The following SUGCT variants were observed in gnomAD, a reference collection of about 807,000 sequenced individuals.
The protein encoded by SUGCT is succinyl-CoA:glutarate CoA-transferase.
A neutral mutation model predicts 55.0 loss-of-function variants in SUGCT; 41 were observed. The observed-to-expected ratio is 0.74, with a 90% CI of 0.58 to 0.97. The LOEUF is 0.97. Among genes scored for constraint, SUGCT ranks in the 50% least tolerant of loss-of-function variants. SUGCT has a pLI of 0.00. For missense variants in SUGCT, 568 were observed against 547.8 expected (o/e 1.04, Z -0.37); for synonymous variants, 187 against 200.4 (o/e 0.93, Z 0.56).
chr7:40,185,559 CTT>C, intron 3 of SUGCT, among the ~76,000 whole-genome samples: 1 of 152,036 alleles, frequency 6.6e-6, no homozygotes, highest in African/African-American at 2.4e-5. Flanking sequence ...TTTCGCTCTT[CTT>C]GCCCAGGCTG....
At position 40,843,498 on chromosome 7, in the gene SUGCT, G is replaced by A. The variant is rs371963143; in HGVS notation, c.1154-16818G>A. 1.3e-3 allele frequency among the ~76,000 whole-genome samples: 90 copies of A among 69,172 alleles called. 1 individual carries two copies. The highest frequency in any genetic ancestry group is 3.8e-3 in the African/African-American group (88 of 23,246). The allele number at this position is 69,172 out of a possible 152,430, so 45.4% of individuals were successfully genotyped here. On this transcript the variant is annotated intron_variant, in intron 13 of 13. Transcript: ENST00000335693. The stretch of plus-strand genomic sequence containing the variant: ...GCACTCCAGCCTAGCAACAGAGAGA[G>A]ACTCTGTCTCAAAAAAAAAAAGTTG...
chr7:40,571,451 G>A (rs986467480), intron 12 of SUGCT, among the ~76,000 whole-genome samples: 5 of 151,938 alleles, frequency 3.3e-5, no homozygotes, highest in Admixed American at 6.6e-5. Context: ...TCTAAATTTG[G>A]TAAATGCATG....
At chr7:40,903,903 T>C in the SUGCT span, among the ~76,000 whole-genome samples, 1 of 152,130 alleles carries the variant, frequency 6.6e-6, no homozygotes, top group Non-Finnish European at 1.5e-5. Flanking sequence ...TCAGTAGCCA[T>C]GAACCCAACA....
At chr7:40,517,368 G>T (rs1793300412) in intron 12 of SUGCT, among the ~76,000 whole-genome samples, 1 of 151,402 alleles carries the variant, frequency 6.6e-6, no homozygotes, top group South Asian at 2.1e-4. Flanking sequence ...CCCTGGATAG[G>T]ACCTCCAGTA....
At chr7:40,292,148 A>G (rs181973727) in intron 8 of SUGCT, among the ~76,000 whole-genome samples, 115 of 152,374 alleles carry the variant, frequency 7.5e-4, no homozygotes, top group African/African-American at 2.7e-3. Flanking sequence ...ATATGTATAT[A>G]CATACATTCT....
At chr7:40,559,224 A>G (rs1220562502) in intron 12 of SUGCT, among the ~76,000 whole-genome samples, 2 of 152,204 alleles carry the variant, frequency 1.3e-5, no homozygotes, top group Non-Finnish European at 2.9e-5. Context: ...CAGATGCTCC[A>G]TCTCCTTACA....
intron 6 of SUGCT, among the ~76,000 whole-genome samples, chr7:40,230,464 G>A (rs550196154): frequency 2.3e-4 from 35 of 152,294 alleles, no homozygotes; most frequent in Admixed American, 8.5e-4. Flanking sequence ...TTACAAATTC[G>A]AAAGGCTTTT....
At chr7:40,531,737 G>A (rs541661313) in intron 12 of SUGCT, among the ~76,000 whole-genome samples, 1 of 151,978 alleles carries the variant, frequency 6.6e-6, no homozygotes, top group East Asian at 1.9e-4. Flanking sequence ...GCAGTGGCAC[G>A]ATCTCGGCTC....
chr7:40,300,365 A>T (rs749184385), intron 8 of SUGCT, among the ~76,000 whole-genome samples: 1 of 152,122 alleles, frequency 6.6e-6, no homozygotes, highest in Non-Finnish European at 1.5e-5. Flanking sequence ...ACTGCTGAGG[A>T]TGTAAAAAAG....
intron 12 of SUGCT, among the ~76,000 whole-genome samples, chr7:40,717,273 A>G (rs903479474): frequency 6.6e-6 from 1 of 152,200 alleles, no homozygotes. Context: ...TCGCGGACAC[A>G]TAGAAGGGTG....
chr7:40,873,302 G>A, the SUGCT span, among the ~76,000 whole-genome samples: 1 of 152,142 alleles, frequency 6.6e-6, no homozygotes, highest in African/African-American at 2.4e-5. Flanking sequence ...ATATTTAAAG[G>A]TCATATGATA....
intron 9 of SUGCT, among the ~76,000 whole-genome samples, chr7:40,435,796 C>T (rs1788141072): frequency 6.6e-6 from 1 of 152,004 alleles, no homozygotes. Context: ...TGAGCCTCAT[C>T]CTCATATCTG....
At position 40,181,963 on chromosome 7, in the gene SUGCT, C is replaced by A; in HGVS notation, c.161C>A (p.Ala54Glu). 1.3e-6 allele frequency: 2 copies of A among 1,587,238 alleles called. No individual in the cohort carries two copies. Among genetic ancestry groups the A allele is most frequent in the East Asian group, 2.3e-5 (1 of 44,160 alleles). ...CATTTTTAACATTGTAGAGTCCTGG[C>A]GGGACCTTTTGCTACTATGAATTTA... ...VKILDLTRVL[A>E]GPFATMNLGD... Residue 54 changes from alanine (A) to glutamate (E), a missense_variant, in exon 3 of 14, where the codon GCG (alanine) becomes GAG (glutamate). Ala to Glu is a moderately radical substitution (Grantham distance 107, BLOSUM62 -1). Coordinates refer to ENST00000335693, the MANE Select transcript of SUGCT (RefSeq NM_001193313.2).
chr7:40,812,566 TA>T (rs1791478843), intron 13 of SUGCT, among the ~76,000 whole-genome samples: 1 of 152,182 alleles, frequency 6.6e-6, no homozygotes, highest in Non-Finnish European at 1.5e-5. Context: ...AGATCAGTTG[TA>T]ATGTCACCTT....
At chr7:40,901,074 T>C in the SUGCT span, among the ~76,000 whole-genome samples, 2 of 152,166 alleles carry the variant, frequency 1.3e-5, no homozygotes, top group African/African-American at 4.8e-5. Flanking sequence ...TGTTTTAGGT[T>C]TTCATCTTGT....
the SUGCT span, among the ~76,000 whole-genome samples, chr7:41,018,698 T>G: frequency 6.6e-6 from 1 of 152,194 alleles, no homozygotes; most frequent in Non-Finnish European, 1.5e-5. Flanking sequence ...TACCTAAAAG[T>G]GTCTGAAGAA....
At chr7:40,509,114 G>A (rs1332093277) in intron 12 of SUGCT, among the ~76,000 whole-genome samples, 1 of 152,080 alleles carries the variant, frequency 6.6e-6, no homozygotes, top group Admixed American at 6.6e-5. Flanking sequence ...AAAGTCCGTT[G>A]ATTTCTAGTA....
At chr7:40,201,230 A>G (rs1786585016) in intron 6 of SUGCT, among the ~76,000 whole-genome samples, 1 of 152,114 alleles carries the variant, frequency 6.6e-6, no homozygotes. Context: ...GAAAGGAAGA[A>G]GAGAAGGAAG....
intron 12 of SUGCT, among the ~76,000 whole-genome samples, chr7:40,693,010 C>T (rs1283173811): frequency 5.9e-5 from 9 of 152,242 alleles, no homozygotes; most frequent in South Asian, 2.1e-4. Context: ...CTCTACTATA[C>T]GGGCTTTGGA....
Sources: gnomAD v4.1 joint callset for allele counts (sites outside exome capture counted in the v4.1 genomes callset) on GRCh38, gnomAD v4.1.1 for gene constraint, MANE v1.5 for transcripts, NCBI Gene and HGNC (gene_info 2026-07-23, HGNC 2026-07-21) for gene names.